DIP2B: variants seen among roughly 807,000 people sequenced by gnomAD.
DIP2B encodes the protein DIP2 acetate--CoA ligase B (putative), also known as disco-interacting protein 2 homolog B.
Under a neutral mutation model 198.0 loss-of-function variants are expected in DIP2B, and 76 were observed. The ratio of observed to expected loss-of-function variants is 0.38; its 90% CI spans 0.32 to 0.46. The LOEUF is 0.46. Among genes scored for constraint, DIP2B ranks in the 20% least tolerant of loss-of-function variants. The pLI, the probability that DIP2B is intolerant of heterozygous loss-of-function variation, is 0.99. For missense variants in DIP2B, 1,559 were observed against 1,978.4 expected (o/e 0.79, Z 4.02); for synonymous variants, 701 against 739.1 (o/e 0.95, Z 0.84).
intron 21 of DIP2B, among the ~76,000 whole-genome samples, chr12:50,706,885 G>T (rs369558088): frequency 1.3e-4 from 20 of 152,094 alleles, no homozygotes; most frequent in African/African-American, 4.3e-4. Flanking sequence ...TAACTAAGAG[G>T]ATTAAGATGC....
At chr12:50,559,027 G>C (rs1264172944) in intron 1 of DIP2B, among the ~76,000 whole-genome samples, 2 of 152,122 alleles carry the variant, frequency 1.3e-5, no homozygotes, top group African/African-American at 2.4e-5. Flanking sequence ...GGAACACCAG[G>C]TGCAGGTGAG....
chr12:50,549,436 A>C (rs370082527), intron 1 of DIP2B, among the ~76,000 whole-genome samples: 1 of 152,142 alleles, frequency 6.6e-6, no homozygotes, highest in East Asian at 1.9e-4. Context: ...AGGCTGAGGC[A>C]GGAGAATGGC....
rs766747649 is a variant in DIP2B at position 50,746,918 on chromosome 12, G to C, written c.*2079G>C. 5.9e-5 allele frequency: 9 copies of C among 152,226 alleles called. No homozygotes were observed. The highest frequency in any genetic ancestry group is 1.2e-4 in the Non-Finnish European group (8 of 68,020). The allele number at this position is 152,226 out of a possible 1,614,324, so 9.4% of individuals were successfully genotyped here. A position where few individuals can be genotyped will look rare whatever the true frequency, so the allele number is the denominator to read the frequency against. On this transcript the variant is annotated 3_prime_UTR_variant, in exon 38 of 38. Transcript: ENST00000301180. The stretch of plus-strand genomic sequence containing the variant: ...TCTTACTAACACAGATTAGGGTATA[G>C]GCATCTAGAGATGCACTGTCCACTG...
rs773567262 is a variant in DIP2B, at chr12:50,735,030, C to T, written c.4044-43C>T. On this transcript the variant is annotated intron_variant, in intron 33 of 37. Transcript: ENST00000301180. ...GAGCTGCAGGAACATGGCGACTTCT[C>T]CTCTTAAAAGCCCTATATATAGTAA... 5 of 1,611,210 alleles carry T rather than the reference C, an allele frequency of 3.1e-6. No individual in the cohort carries two copies. The South Asian group carries it at 5.5e-5, about 18-fold the overall frequency.
At chr12:50,534,581 C>T (rs1593587074) in intron 1 of DIP2B, among the ~76,000 whole-genome samples, 2 of 152,100 alleles carry the variant, frequency 1.3e-5, no homozygotes, top group South Asian at 4.2e-4. Flanking sequence ...TCAGGCTGGT[C>T]TTGAACTCCT....
At chr12:50,531,077 G>T (rs868445354) in intron 1 of DIP2B, among the ~76,000 whole-genome samples, 3 of 152,112 alleles carry the variant, frequency 2.0e-5, no homozygotes, top group Non-Finnish European at 4.4e-5. Flanking sequence ...ATGGAGTCTC[G>T]CTCTGTCGCC....
chr12:50,555,192 G>A (rs895226762), intron 1 of DIP2B, among the ~76,000 whole-genome samples: 7 of 152,142 alleles, frequency 4.6e-5, no homozygotes, highest in African/African-American at 1.7e-4. Flanking sequence ...CTTCTGTAGG[G>A]TGAGGAAAAG....
At position 50,695,282 on chromosome 12, in the gene DIP2B, A is replaced by G; in HGVS notation, c.1735A>G (p.Met579Val). The G allele has an allele frequency of 1.2e-6, 2 of 1,613,778 alleles. No homozygotes were observed. Among genetic ancestry groups the G allele is most frequent in the Non-Finnish European group, 1.7e-6 (2 of 1,179,832 alleles). ...TGTTTTTCAGAATGTAATGAATAAG[A>G]TGCACACAATCAGCGTACCCTACTC... is the stretch of plus-strand genomic sequence containing the variant. ...HGMFANVMNK[M>V]HTISVPYSVM... Residue 579 changes from methionine to valine, a missense_variant, in exon 15 of 38, where the codon ATG becomes GTG. Met to Val is a conservative substitution (Grantham distance 21). Transcript: ENST00000301180.
chr12:50,698,942 C>T (rs2684909), intron 18 of DIP2B, 124 bp from the exon 19 acceptor site: 1,013,803 of 1,022,596 alleles, frequency 0.99, 503,027 homozygotes, highest in East Asian at 1. Context: ...GCATTCCTGT[C>T]TGGTATTTTT....
rs1276041351 is a variant in DIP2B, at chr12:50,683,583, C to A, written c.1317+335C>A. 2.6e-5 allele frequency among the ~76,000 whole-genome samples: 4 copies of A among 151,338 alleles called. No homozygotes were observed. The East Asian group carries it at 7.8e-4, about 30-fold the overall frequency. On this transcript the variant is annotated intron_variant, in intron 10 of 37. Transcript: ENST00000301180. Reference sequence around the variant, plus strand: ...GATCACAAGGTCAGGAGATCGAGACCATCCTGGCTAACATGGTGAAACCCC... The same window carrying A: ...GATCACAAGGTCAGGAGATCGAGACAATCCTGGCTAACATGGTGAAACCCC...
At chr12:50,618,290 A>G (rs182056285) in intron 1 of DIP2B, among the ~76,000 whole-genome samples, 1 of 152,294 alleles carries the variant, frequency 6.6e-6, no homozygotes, top group East Asian at 1.9e-4. Flanking sequence ...CCTCAACGTC[A>G]AGTGTCTGAG....
At chr12:50,631,863 A>C (rs552723940) in intron 2 of DIP2B, among the ~76,000 whole-genome samples, 1 of 152,248 alleles carries the variant, frequency 6.6e-6, no homozygotes, top group African/African-American at 2.4e-5. Context: ...TGTCCTTCCC[A>C]AAAAGGGGTG....
At chr12:50,551,377 C>G (rs1958425749) in intron 1 of DIP2B, among the ~76,000 whole-genome samples, 1 of 151,832 alleles carries the variant, frequency 6.6e-6, no homozygotes, top group East Asian at 1.9e-4. Flanking sequence ...GAGCCAAGAT[C>G]AAGCCACTGC....
intron 3 of DIP2B, 103 bp downstream of exon 3, chr12:50,640,955 G>A: frequency 4.4e-6 from 6 of 1,378,728 alleles, no homozygotes; most frequent in Non-Finnish European, 5.8e-6. Context: ...TTCCCTATGA[G>A]GCACCAACAG....
intron 1 of DIP2B, among the ~76,000 whole-genome samples, chr12:50,576,951 C>A (rs370367133): frequency 1.3e-5 from 2 of 151,984 alleles, no homozygotes; most frequent in East Asian, 1.9e-4. Flanking sequence ...GTAACATCCG[C>A]CTCCTAGGTT....
intron 3 of DIP2B, among the ~76,000 whole-genome samples, chr12:50,652,062 C>A (rs529269179): frequency 6.6e-6 from 1 of 152,028 alleles, no homozygotes; most frequent in East Asian, 2.0e-4. Flanking sequence ...CACCTGTAAT[C>A]CCGGCTGTTT....
At chr12:50,706,799 C>T in intron 21 of DIP2B, 134 bp downstream of exon 21, 1 of 1,004,944 alleles carries the variant, frequency 1.0e-6, no homozygotes, top group Non-Finnish European at 1.4e-6. Flanking sequence ...TTGCATAAGC[C>T]TGGCTTTTTT....
chr12:50,542,973 T>C (rs990038087), intron 1 of DIP2B, among the ~76,000 whole-genome samples: 2 of 152,022 alleles, frequency 1.3e-5, no homozygotes, highest in Non-Finnish European at 2.9e-5. Context: ...CCTCAAGCTA[T>C]CCTCCCACCT....
chr12:50,620,844 C>T (rs1431654789), intron 1 of DIP2B, among the ~76,000 whole-genome samples: 3 of 152,168 alleles, frequency 2.0e-5, no homozygotes, highest in African/African-American at 7.2e-5. Flanking sequence ...CATTCTTCCC[C>T]CTCCTCCCAA....
Sources: allele counts gnomAD v4.1 joint callset (sites outside exome capture counted in the v4.1 genomes callset), GRCh38; gene constraint gnomAD v4.1.1; transcripts MANE v1.5; gene names NCBI Gene and HGNC (gene_info 2026-07-23, HGNC 2026-07-21).